The following TRERF1 variants were observed in gnomAD, a reference collection of about 807,000 sequenced individuals.
TRERF1 encodes transcriptional-regulating factor 1.
TRERF1 carries 27 observed loss-of-function variants against 122.9 expected under a neutral mutation model. That is an observed-to-expected ratio of 0.22 (90% CI 0.16 to 0.30). The LOEUF (loss-of-function observed/expected upper bound fraction) is 0.30, where lower values mean the gene tolerates loss of function less well. TRERF1 is among the 10% of genes least tolerant of loss of function. The probability of loss-of-function intolerance (pLI) is 1.00; values close to 1 mark genes in which losing one functional copy is unlikely to be tolerated. For missense variants in TRERF1, 1,248 were observed against 1,560.3 expected (o/e 0.80, Z 3.37); for synonymous variants, 636 against 641.7 (o/e 0.99, Z 0.13).
chr6:42,392,102 A>G (rs575132058), intron 2 of TRERF1, among the ~76,000 whole-genome samples: 1 of 152,310 alleles, frequency 6.6e-6, no homozygotes, highest in African/African-American at 2.4e-5. Context: ...GTGTACACGT[A>G]TACTTATTAT....
chr6:42,395,082 C>G (rs1778363650), intron 2 of TRERF1, among the ~76,000 whole-genome samples: 1 of 152,224 alleles, frequency 6.6e-6, no homozygotes, highest in South Asian at 2.1e-4. Context: ...GGCCGGCACC[C>G]TTCTGGGGAG....
chr6:42,246,445 AT>A lies in TRERF1; in HGVS notation c.2745+10del. 6.4e-7 allele frequency: 1 copy of A among 1,569,496 alleles called. No homozygotes were observed. The highest frequency in any genetic ancestry group is 8.6e-7 in the Non-Finnish European group (1 of 1,161,806). ...TAATTTCAAGGGGGCAATGGGAAAA[AT>A]CATGCTTACCATCTTCTGTACAAAA... is the stretch of plus-strand genomic sequence containing the variant. On this transcript the variant is annotated intron_variant, in intron 14 of 17. Coordinates refer to ENST00000372922, the Ensembl canonical transcript of TRERF1.
In TRERF1 at chr6:42,228,472, A is replaced by G; in HGVS notation, c.3476T>C (p.Val1159Ala). The G allele has an allele frequency of 6.2e-7, 1 of 1,614,210 alleles. No individual in the cohort carries two copies. The highest frequency in any genetic ancestry group is 8.5e-7 in the Non-Finnish European group (1 of 1,180,032). The stretch of plus-strand genomic sequence containing the variant: ...GACGACGTCGTCGTCGAGGATGTCC[A>G]CATCCTTGATGGGTTTGATCAGACT... The change falls in exon 18 of 18, where the codon GTG becomes GCG. Residue 1159 changes from valine to alanine, a missense_variant. Around this residue, in one of 5 missense-constraint regions of TRERF1, gnomAD observed 84 missense variants for 116.0 expected, o/e 0.72. Transcript: ENST00000372922. This position sits in a 1 kb window ranked among gnomAD's most constrained non-coding sequence, Gnocchi z 4.2.
Position 42,379,293 on chromosome 6 carries a change from A to G in TRERF1, c.-453-16214T>C, listed in dbSNP as rs573697258. Among the ~76,000 whole-genome samples, 4 of 152,182 alleles carry G rather than the reference A, an allele frequency of 2.6e-5. No homozygotes were observed. The East Asian group carries it at 7.8e-4, about 30-fold the overall frequency. On this transcript the variant is annotated intron_variant, in intron 2 of 17. Coordinates refer to ENST00000372922, the Ensembl canonical transcript of TRERF1. ...GCTCAGGAAATGTTGCCAGCCTACC[A>G]TGCCAAAGAGATGGATCCACATGGC...
intron 13 of TRERF1, among the ~76,000 whole-genome samples, chr6:42,252,395 G>C (rs1329309522): frequency 6.6e-6 from 1 of 152,244 alleles, no homozygotes; most frequent in Non-Finnish European, 1.5e-5. Flanking sequence ...ACATGGACAG[G>C]CTCAGGCAGG....
intron 4 of TRERF1, among the ~76,000 whole-genome samples, chr6:42,274,338 G>A (rs1268971609): frequency 6.6e-6 from 1 of 152,138 alleles, no homozygotes. Context: ...TAATTTCTGG[G>A]CCTAGAACAG....
At chr6:42,312,791 G>A (rs1413124296) in intron 3 of TRERF1, among the ~76,000 whole-genome samples, 1 of 152,178 alleles carries the variant, frequency 6.6e-6, no homozygotes, top group African/African-American at 2.4e-5. Context: ...TGTGGTGTTT[G>A]GAAGAACAGT....
chr6:42,253,250 G>A (rs1470023122), intron 13 of TRERF1, among the ~76,000 whole-genome samples: 1 of 152,176 alleles, frequency 6.6e-6, no homozygotes, highest in African/African-American at 2.4e-5. Context: ...TATCCCAGAT[G>A]ACGCTGCTCA....
At chr6:42,270,044 G>A (rs1779926297) in intron 4 of TRERF1, among the ~76,000 whole-genome samples, 196 bp from the exon 5 acceptor site, 2 of 152,160 alleles carry the variant, frequency 1.3e-5, no homozygotes, top group South Asian at 4.1e-4. Context: ...AAATTAGCTG[G>A]GTGTGGTGGC....
At chr6:42,336,972 G>A (rs916281865) in intron 3 of TRERF1, among the ~76,000 whole-genome samples, 2 of 152,244 alleles carry the variant, frequency 1.3e-5, no homozygotes, top group Non-Finnish European at 2.9e-5. Flanking sequence ...GCGCCAGAGA[G>A]AGCAGCTCAT....
At chr6:42,442,558 T>C (rs1195369258) in intron 2 of TRERF1, among the ~76,000 whole-genome samples, 1 of 152,214 alleles carries the variant, frequency 6.6e-6, no homozygotes. Flanking sequence ...GCTGCCCAAA[T>C]AGCTGCCCAA....
At chr6:42,387,788 C>T (rs1490818849) in intron 2 of TRERF1, among the ~76,000 whole-genome samples, 1 of 135,886 alleles carries the variant, frequency 7.4e-6, no homozygotes, top group Non-Finnish European at 1.6e-5. Flanking sequence ...AACCAAGATG[C>T]TACCTTTTTT....
chr6:42,328,483 C>T (rs554233704), intron 3 of TRERF1, among the ~76,000 whole-genome samples: 92 of 152,188 alleles, frequency 6.0e-4, no homozygotes, highest in African/African-American at 2.0e-3. Context: ...TTTTTCTGCT[C>T]CTCTCCCTCC....
intron 2 of TRERF1, among the ~76,000 whole-genome samples, chr6:42,398,513 C>T (rs1778945992): frequency 6.6e-6 from 1 of 152,188 alleles, no homozygotes; most frequent in Admixed American, 6.5e-5. Context: ...CCCCCCGCTT[C>T]CACTACTCCA....
intron 4 of TRERF1, among the ~76,000 whole-genome samples, chr6:42,282,326 T>C (rs559055479): frequency 5.9e-5 from 9 of 152,114 alleles, no homozygotes; most frequent in Non-Finnish European, 1.2e-4. Flanking sequence ...GGCAGGAGGA[T>C]TGTTTCAGCC....
intron 3 of TRERF1, among the ~76,000 whole-genome samples, chr6:42,330,087 T>G (rs1765001185): frequency 6.6e-6 from 1 of 152,170 alleles, no homozygotes; most frequent in Admixed American, 6.5e-5. Flanking sequence ...CCTCTGCATA[T>G]TAATATCCTT....
At chr6:42,447,774 G>A (rs1476340653) in intron 2 of TRERF1, among the ~76,000 whole-genome samples, 2 of 151,968 alleles carry the variant, frequency 1.3e-5, no homozygotes, top group East Asian at 1.9e-4. Context: ...GCATGATCTC[G>A]GCTCACTGCA....
At chr6:42,450,498 C>T (rs745454525) in intron 2 of TRERF1, among the ~76,000 whole-genome samples, 1 of 152,224 alleles carries the variant, frequency 6.6e-6, no homozygotes, top group Non-Finnish European at 1.5e-5. Flanking sequence ...AAAGCTGGCT[C>T]TAACAGGCCG....
chr6:42,347,140 C>A (rs992980574), intron 3 of TRERF1, among the ~76,000 whole-genome samples: 1 of 152,306 alleles, frequency 6.6e-6, no homozygotes, highest in Admixed American at 6.5e-5. Flanking sequence ...CTGTAACAAA[C>A]TTGGAAATCA....
Sources: gnomAD v4.1 joint callset for allele counts (sites outside exome capture counted in the v4.1 genomes callset) on GRCh38, gnomAD v4.1.1 for gene constraint, gnomAD v4.1.1 regional missense constraint, Gnocchi (gnomAD v3.1) non-coding constraint, MANE v1.5 for transcripts, NCBI Gene and HGNC (gene_info 2026-07-23, HGNC 2026-07-21) for gene names.